MARCHF1: variants seen among roughly 807,000 people sequenced by gnomAD.
MARCHF1 encodes the protein membrane associated ring-CH-type finger 1, also known as E3 ubiquitin-protein ligase MARCHF1.
MARCHF1 carries 40 observed loss-of-function variants against 54.2 expected under a neutral mutation model. The observed-to-expected ratio is 0.74, with a 90% CI of 0.57 to 0.96. The LOEUF is 0.96. Ranked by LOEUF, MARCHF1 falls within the 40% of genes least tolerant of loss-of-function variation. The probability of loss-of-function intolerance (pLI) is 0.00; values close to 1 mark genes in which losing one functional copy is unlikely to be tolerated. For synonymous variants in MARCHF1, 236 were observed against 236.3 expected (o/e 1.00, Z 0.01); for missense variants, 586 against 656.5 (o/e 0.89, Z 1.17).
chr4:163,740,819 A>T (rs1746173766), intron 4 of MARCHF1, among the ~76,000 whole-genome samples: 2 of 152,208 alleles, frequency 1.3e-5, no homozygotes, highest in Admixed American at 1.3e-4. Context: ...TAGTAGAATG[A>T]AGAAACTCTA....
chr4:164,074,840 T>C (rs1754942839), intron 2 of MARCHF1, among the ~76,000 whole-genome samples: 1 of 151,050 alleles, frequency 6.6e-6, no homozygotes, highest in Non-Finnish European at 1.5e-5. Context: ...TATATGTAAA[T>C]TCATAAAAAA....
chr4:164,162,133 G>A (rs774518593), intron 1 of MARCHF1, among the ~76,000 whole-genome samples: 1 of 152,068 alleles, frequency 6.6e-6, no homozygotes, highest in South Asian at 2.1e-4. Context: ...AACATGTTTT[G>A]TATGTTTAAA....
chr4:163,540,376 G>T (rs1297197900), intron 9 of MARCHF1, among the ~76,000 whole-genome samples: 1 of 152,194 alleles, frequency 6.6e-6, no homozygotes, highest in Non-Finnish European at 1.5e-5. Context: ...ATAAGGAAGG[G>T]TGTGTGTGGG....
At chr4:163,940,425 C>T (rs1751888950) in intron 3 of MARCHF1, among the ~76,000 whole-genome samples, 2 of 151,942 alleles carry the variant, frequency 1.3e-5, no homozygotes, top group Admixed American at 1.3e-4. Flanking sequence ...CAAAAAGAGG[C>T]AGAAGATATA....
intron 5 of MARCHF1, among the ~76,000 whole-genome samples, chr4:163,620,672 T>C (rs1426411108): frequency 1.3e-5 from 2 of 151,296 alleles, no homozygotes; most frequent in Non-Finnish European, 2.9e-5. Context: ...CACACATTTA[T>C]AGAATATATT....
chr4:163,851,584 G>A (rs1212913671), intron 4 of MARCHF1, among the ~76,000 whole-genome samples: 1 of 152,130 alleles, frequency 6.6e-6, no homozygotes, highest in East Asian at 1.9e-4. Context: ...GTTGTCACTC[G>A]TGAAGAGTAA....
intron 3 of MARCHF1, among the ~76,000 whole-genome samples, chr4:163,921,566 G>A (rs935733342): frequency 1.3e-5 from 2 of 152,068 alleles, no homozygotes. Context: ...ATAATTTCTA[G>A]TAAGATAGCA....
rs551406247 is a variant in MARCHF1, at chr4:164,305,927, CAAAAG to C, written c.-323+77938_-323+77942del. ...CTAAAAATTAAAGGGAAAAGTCACA[CAAAAG>C]AATAGTACCGCAGCATGTTAAATAA... On this transcript the variant is annotated intron_variant, in intron 1 of 9. Coordinates refer to ENST00000514618, the MANE Select transcript of MARCHF1 (RefSeq NM_001394959.1). Among the ~76,000 whole-genome samples, 373 of 152,150 alleles carry C rather than the reference CAAAAG, an allele frequency of 2.5e-3. 3 individuals carry two copies. Among genetic ancestry groups the C allele is most frequent in the African/African-American group, 8.3e-3 (345 of 41,546 alleles).
chr4:164,288,621 A>T (rs144731898), intron 1 of MARCHF1, among the ~76,000 whole-genome samples: 1 of 152,218 alleles, frequency 6.6e-6, no homozygotes, highest in Non-Finnish European at 1.5e-5. Context: ...GCTAGATTAA[A>T]TGCCATACTA....
At chr4:164,033,127 T>C (rs1465486081) in intron 2 of MARCHF1, among the ~76,000 whole-genome samples, 1 of 151,338 alleles carries the variant, frequency 6.6e-6, no homozygotes, top group Non-Finnish European at 1.5e-5. Flanking sequence ...TGAGCCAAGA[T>C]TGTGCCACTG....
intron 1 of MARCHF1, among the ~76,000 whole-genome samples, chr4:164,224,499 T>A (rs555892174): frequency 5.9e-4 from 90 of 152,088 alleles, no homozygotes; most frequent in South Asian, 2.3e-3. Flanking sequence ...TCCATCTACC[T>A]ACATCTCGCT....
chr4:163,694,831 C>A (rs1054405446), intron 5 of MARCHF1, among the ~76,000 whole-genome samples: 4 of 152,050 alleles, frequency 2.6e-5, no homozygotes, highest in Non-Finnish European at 5.9e-5. Flanking sequence ...ATATAAATAA[C>A]ATGCTTCAGG....
chr4:164,302,006 A>G (rs1297118812), intron 1 of MARCHF1, among the ~76,000 whole-genome samples: 1 of 152,216 alleles, frequency 6.6e-6, no homozygotes, highest in Non-Finnish European at 1.5e-5. Context: ...AGTCCAGGAG[A>G]GGAGTATGGA....
rs775632717 is a variant in MARCHF1 at position 163,733,205 on chromosome 4, A to ACATACACATG, written c.112-32343_112-32342insCATGTGTATG. ...TATATATATATATATATATATATAT[A>ACATACACATG]TATATATATATATATACACGTGTAT... On this transcript the variant is annotated intron_variant, in intron 4 of 9. Coordinates refer to ENST00000514618, the MANE Select transcript of MARCHF1 (RefSeq NM_001394959.1). Among the ~76,000 whole-genome samples, 30 of 33,230 alleles carry ACATACACATG rather than the reference A, an allele frequency of 9.0e-4. 3 individuals carry two copies. The highest frequency in any genetic ancestry group is 1.7e-3 in the African/African-American group (26 of 15,574). The allele number at this position is 33,230 out of a possible 152,430, so 21.8% of individuals were successfully genotyped here.
intron 1 of MARCHF1, among the ~76,000 whole-genome samples, chr4:164,318,854 T>C (rs1053561518): frequency 6.6e-6 from 1 of 152,248 alleles, no homozygotes; most frequent in African/African-American, 2.4e-5. Context: ...AATATGAGAA[T>C]ACTAATCTAT....
chr4:164,192,614 C>T (rs1731151161), intron 1 of MARCHF1, among the ~76,000 whole-genome samples: 1 of 148,532 alleles, frequency 6.7e-6, no homozygotes, highest in South Asian at 2.1e-4. Flanking sequence ...TTGGAATATA[C>T]AAGGAATTAA....
At chr4:164,084,998 A>C (rs1011783817) in intron 2 of MARCHF1, among the ~76,000 whole-genome samples, 2 of 151,804 alleles carry the variant, frequency 1.3e-5, no homozygotes, top group South Asian at 2.1e-4. Context: ...AAAGCCCAGA[A>C]AAGATATTTA....
rs192561103 is a variant in MARCHF1, at chr4:163,893,807, C to T, written c.-38-39638G>A. On this transcript the variant is annotated intron_variant, in intron 3 of 9. Coordinates refer to ENST00000514618, the MANE Select transcript of MARCHF1 (RefSeq NM_001394959.1). ...CATTTAATAGCATCCCTAAAACATT[C>T]ACTGAAGCCTCATTACAGCCTGCAA... 3.9e-5 allele frequency among the ~76,000 whole-genome samples: 6 copies of T among 152,248 alleles called. No individual in the cohort carries two copies. In the East Asian group the frequency reaches 9.7e-4, roughly 25 times the overall value.
At chr4:164,176,017 C>T (rs569757003) in intron 1 of MARCHF1, among the ~76,000 whole-genome samples, 1 of 152,184 alleles carries the variant, frequency 6.6e-6, no homozygotes, top group Non-Finnish European at 1.5e-5. Context: ...AAGCAACCTA[C>T]ATTTGCTGGA....
Sources: gnomAD v4.1 joint callset for allele counts (sites outside exome capture counted in the v4.1 genomes callset) on GRCh38, gnomAD v4.1.1 for gene constraint, MANE v1.5 for transcripts, NCBI Gene and HGNC (gene_info 2026-07-23, HGNC 2026-07-21) for gene names.